The following ZMYM2 variants were observed in gnomAD, a reference collection of about 807,000 sequenced individuals.
ZMYM2 encodes zinc finger MYM-type containing 2.
A neutral mutation model predicts 162.8 loss-of-function variants in ZMYM2; 56 were observed. The ratio of observed to expected loss-of-function variants is 0.34; its 90% confidence interval spans 0.28 to 0.43. ZMYM2 has a LOEUF of 0.43. Among genes scored for constraint, ZMYM2 ranks in the 20% least tolerant of loss-of-function variants. The probability of loss-of-function intolerance (pLI) is 1.00; values close to 1 mark genes in which losing one functional copy is unlikely to be tolerated. For missense variants in ZMYM2, 1,275 were observed against 1,621.8 expected, an observed-to-expected ratio of 0.79 and a Z score of 3.67; for synonymous variants, 510 against 541.6, an observed-to-expected ratio of 0.94 and a Z score of 0.81.
chr13:20,020,476 C>T (rs1951986943), intron 7 of ZMYM2, among the ~76,000 whole-genome samples: 1 of 152,092 alleles, frequency 6.6e-6, no homozygotes, highest in Admixed American at 6.5e-5. Flanking sequence ...CCACCTGCCT[C>T]GGCCTCCCAA....
intron 19 of ZMYM2, among the ~76,000 whole-genome samples, chr13:20,065,232 G>T (rs756086855): frequency 6.6e-6 from 1 of 151,948 alleles, no homozygotes; most frequent in African/African-American, 2.4e-5. Context: ...AAAAAAAACC[G>T]GAAAAGGGAG....
chr13:19,958,694 CG>C (rs1413962936), upstream of ZMYM2: 1 of 153,856 alleles, frequency 6.5e-6, no homozygotes, highest in Non-Finnish European at 1.4e-5. Context: ...GGGGCCTCCC[CG>C]GGCTCGGCCG....
At chr13:19,886,162 CTTTTTTTTTTTTT>C in the ZMYM2 span, among the ~76,000 whole-genome samples, 6 of 98,448 alleles carry the variant, frequency 6.1e-5, no homozygotes, top group Admixed American at 8.5e-4. Context: ...TTCTTTCTTT[CTTTTTTTTTTTTT>C]TTTTTTGAGA....
At chr13:19,897,687 G>A in the ZMYM2 span, among the ~76,000 whole-genome samples, 1 of 151,910 alleles carries the variant, frequency 6.6e-6, no homozygotes, top group African/African-American at 2.4e-5. Flanking sequence ...GTCAAAAACT[G>A]TTACAAGAGA....
intron 21 of ZMYM2, among the ~76,000 whole-genome samples, chr13:20,078,769 A>G (rs1307819968): frequency 2.0e-5 from 3 of 151,206 alleles, no homozygotes; most frequent in Non-Finnish European, 4.5e-5. Flanking sequence ...AAATATTTTT[A>G]TATTATATGT....
chr13:19,930,953 T>A, the ZMYM2 span, among the ~76,000 whole-genome samples: 2 of 150,466 alleles, frequency 1.3e-5, no homozygotes, highest in African/African-American at 4.9e-5. Flanking sequence ...TCCTGGCTAA[T>A]ATGGTGAAAC....
chr13:19,946,656 G>A, the ZMYM2 span, among the ~76,000 whole-genome samples: 1 of 152,280 alleles, frequency 6.6e-6, no homozygotes, highest in African/African-American at 2.4e-5. Flanking sequence ...ACATCCGTGT[G>A]ATTCACTGTT....
At chr13:19,875,626 C>CAAAAAAAAA in the ZMYM2 span, among the ~76,000 whole-genome samples, 1 of 54,886 alleles carries the variant, frequency 1.8e-5, no homozygotes, top group African/African-American at 7.4e-5. Context: ...GACTCCATCG[C>CAAAAAAAAA]AAAAAAAAAA....
rs555233069 is a variant in ZMYM2, at chr13:20,009,279, C to T, written c.1512+2693C>T. The stretch of plus-strand genomic sequence containing the variant: ...TAATTATTAAAGTACTACCCCACAA[C>T]AAGGACTAGGCTCTGATGTTTTCAT... On this transcript the variant is annotated intron_variant, in intron 6 of 24. Coordinates refer to ENST00000610343, the MANE Select transcript of ZMYM2 (RefSeq NM_197968.4). Among the ~76,000 whole-genome samples, 12 of 152,240 alleles carry T rather than the reference C, an allele frequency of 7.9e-5. No individual in the cohort carries two copies. The South Asian group carries it at 2.3e-3, about 29-fold the overall frequency.
intron 21 of ZMYM2, among the ~76,000 whole-genome samples, chr13:20,077,132 G>A (rs916892568): frequency 2.0e-5 from 3 of 150,714 alleles, no homozygotes; most frequent in African/African-American, 7.5e-5. Flanking sequence ...CAGGCTATTT[G>A]AAACCTTCTT....
intron 7 of ZMYM2, chr13:20,026,338 TAACTC>T (rs1173451582): frequency 8.4e-6 from 2 of 237,960 alleles, no homozygotes; most frequent in Admixed American, 5.4e-5. Flanking sequence ...AGGTTTTACT[TAACTC>T]TATGTAGGGA....
At chr13:19,978,477 T>C (rs1296475062) in intron 2 of ZMYM2, among the ~76,000 whole-genome samples, 1 of 152,002 alleles carries the variant, frequency 6.6e-6, no homozygotes, top group Non-Finnish European at 1.5e-5. Flanking sequence ...AGGGCAATGG[T>C]GCAATCTTGG....
the ZMYM2 span, among the ~76,000 whole-genome samples, chr13:19,931,870 C>T: frequency 2.6e-5 from 4 of 152,344 alleles, no homozygotes; most frequent in East Asian, 3.9e-4. Context: ...AGTGATCCTC[C>T]GGCCTTGGAC....
the ZMYM2 span, among the ~76,000 whole-genome samples, chr13:19,893,757 A>T: frequency 3.3e-5 from 5 of 151,630 alleles, no homozygotes; most frequent in East Asian, 9.7e-4. Flanking sequence ...AAATAAGTAA[A>T]AAATAAATAA....
chr13:19,883,903 C>G, the ZMYM2 span, among the ~76,000 whole-genome samples: 28 of 152,262 alleles, frequency 1.8e-4, no homozygotes, highest in African/African-American at 6.7e-4. Flanking sequence ...ATTACAAGGG[C>G]CCACCCCCAC....
intron 6 of ZMYM2, among the ~76,000 whole-genome samples, 166 bp from the exon 7 acceptor site, chr13:20,019,381 G>A (rs1160195180): frequency 6.6e-6 from 1 of 152,060 alleles, no homozygotes; most frequent in African/African-American, 2.4e-5. Flanking sequence ...TTTAAGTTGG[G>A]CAACAGTAGT....
At chr13:19,963,462 A>G (rs529655747) in intron 2 of ZMYM2, among the ~76,000 whole-genome samples, 2 of 152,348 alleles carry the variant, frequency 1.3e-5, no homozygotes, top group South Asian at 4.1e-4. Context: ...CAATCTGAGT[A>G]ACAGTTGCAG....
chr13:19,985,651 G>C (rs1026775649), intron 2 of ZMYM2, among the ~76,000 whole-genome samples: 2 of 150,684 alleles, frequency 1.3e-5, no homozygotes, highest in African/African-American at 4.9e-5. Context: ...GCAGTGAGCC[G>C]AGATCATGCC....
At chr13:20,051,681 T>C in intron 13 of ZMYM2, 83 bp downstream of exon 13, 7 of 1,350,224 alleles carry the variant, frequency 5.2e-6, no homozygotes, top group Non-Finnish European at 6.9e-6. Context: ...TGATAATGAA[T>C]AGTTGATTTT....
Sources: allele counts gnomAD v4.1 joint callset (sites outside exome capture counted in the v4.1 genomes callset), GRCh38; gene constraint gnomAD v4.1.1; transcripts MANE v1.5; gene names NCBI Gene and HGNC (gene_info 2026-07-23, HGNC 2026-07-21).